Variants in CRTC3 observed in about 807,000 individuals in gnomAD.
CRTC3 encodes the protein CREB regulated transcription coactivator 3, also known as CREB-regulated transcription coactivator 3.
CRTC3 carries 26 observed loss-of-function variants against 74.5 expected under a neutral mutation model. The observed-to-expected ratio is 0.35, with a 90% CI of 0.26 to 0.48. CRTC3 has a LOEUF of 0.48. CRTC3 is among the 20% of genes least tolerant of loss of function. The pLI, the probability that CRTC3 is intolerant of heterozygous loss-of-function variation, is 0.99. For missense variants in CRTC3, 760 were observed against 787.3 expected (o/e 0.97, Z 0.41); for synonymous variants, 377 against 325.8 (o/e 1.16, Z -1.69).
At position 90,567,126 on chromosome 15, in the gene CRTC3, A is replaced by G. The variant is rs541266968; in HGVS notation, c.232-26510A>G. ...CGATTCTGTTGTTAGAGACTAATGC[A>G]GCTGGTGACTTGAAGTGGTTTCAAA... is the stretch of plus-strand genomic sequence containing the variant. On this transcript the variant is annotated intron_variant, in intron 2 of 14. Transcript: ENST00000268184. Among the ~76,000 whole-genome samples the G allele has an allele frequency of 1.4e-4, 21 of 152,274 alleles. 1 individual carries two copies. The highest frequency in any genetic ancestry group is 5.1e-4 in the African/African-American group (21 of 41,556).
intron 2 of CRTC3, among the ~76,000 whole-genome samples, chr15:90,568,822 C>T (rs1469477450): frequency 4.6e-5 from 7 of 152,122 alleles, no homozygotes; most frequent in Admixed American, 3.9e-4. Flanking sequence ...CCTTCAACAT[C>T]GAGGCAAGAC....
rs866743491 is a variant in CRTC3, at chr15:90,636,463, A to T, written c.1267-1983A>T. Among the ~76,000 whole-genome samples the T allele has an allele frequency of 5.2e-3, 785 of 151,340 alleles. 3 individuals are homozygous for T. The highest frequency in any genetic ancestry group is 0.014 in the Middle Eastern group (4 of 294). On this transcript the variant is annotated intron_variant, in intron 11 of 14. Transcript: ENST00000268184. ...TAAAACCATAAAAACCCTAGAAGAA[A>T]ACCTAGGCAATACCATTCAGGACAT...
At chr15:90,625,317 A>G (rs1968794795) in intron 9 of CRTC3, among the ~76,000 whole-genome samples, 2 of 152,240 alleles carry the variant, frequency 1.3e-5, no homozygotes, top group Admixed American at 6.5e-5. Context: ...ATGAATGGCA[A>G]CATCTCTTTG....
At chr15:90,590,189 A>T (rs1218151079) in intron 2 of CRTC3, among the ~76,000 whole-genome samples, 1 of 151,880 alleles carries the variant, frequency 6.6e-6, no homozygotes, top group East Asian at 1.9e-4. Flanking sequence ...GCTACTGGGG[A>T]GGCTGAGGCA....
intron 9 of CRTC3, 91 bp from the exon 10 acceptor site, chr15:90,625,685 C>CTTAT (rs1438629265): frequency 2.5e-6 from 3 of 1,193,520 alleles, no homozygotes; most frequent in Non-Finnish European, 3.7e-6. Context: ...AGCCACTGCT[C>CTTAT]TTATTTGACA....
At chr15:90,617,289 C>T (rs80186262) in intron 7 of CRTC3, among the ~76,000 whole-genome samples, 2 of 152,254 alleles carry the variant, frequency 1.3e-5, no homozygotes, top group South Asian at 2.1e-4. Context: ...CTTCAGTGAT[C>T]GTTATTTATG....
At chr15:90,604,582 C>T in intron 5 of CRTC3, 135 bp downstream of exon 5, 1 of 691,988 alleles carries the variant, frequency 1.4e-6, no homozygotes, top group Non-Finnish European at 2.6e-6. Context: ...CAAAACCCAC[C>T]ATTTTTTGAG....
intron 6 of CRTC3, among the ~76,000 whole-genome samples, chr15:90,608,045 G>A (rs1198523104): frequency 6.6e-6 from 1 of 152,124 alleles, no homozygotes; most frequent in African/African-American, 2.4e-5. Context: ...GGCAAGCCTC[G>A]GGGAGGGAGG....
intron 11 of CRTC3, among the ~76,000 whole-genome samples, chr15:90,631,814 T>C (rs1415013503): frequency 6.6e-6 from 1 of 151,918 alleles, no homozygotes; most frequent in Non-Finnish European, 1.5e-5. Flanking sequence ...ACTCCTGAGC[T>C]CAAGTGATCC....
chr15:90,637,646 C>T (rs775158092), intron 11 of CRTC3, among the ~76,000 whole-genome samples: 17 of 152,176 alleles, frequency 1.1e-4, no homozygotes, highest in Non-Finnish European at 1.5e-4. Context: ...TTTATTATCT[C>T]GAAAGTAGAA....
chr15:90,581,528 C>CT (rs1385877625), intron 2 of CRTC3, among the ~76,000 whole-genome samples: 1 of 152,040 alleles, frequency 6.6e-6, no homozygotes, highest in African/African-American at 2.4e-5. Flanking sequence ...GCCTTCATCT[C>CT]TTTTTTTGGC....
intron 11 of CRTC3, 103 bp from the exon 12 acceptor site, chr15:90,638,343 G>A: frequency 1.0e-6 from 1 of 990,166 alleles, no homozygotes; most frequent in African/African-American, 1.6e-5. Flanking sequence ...ACCGCGGTGA[G>A]GAAAATCTCA....
At chr15:90,641,060 G>A (rs762787466) in intron 13 of CRTC3, 37 bp from the exon 14 acceptor site, 1 of 1,349,820 alleles carries the variant, frequency 7.4e-7, no homozygotes, top group Non-Finnish European at 1.1e-6. Context: ...TGGAAACAGA[G>A]GTGTGGCCTT....
At chr15:90,588,351 A>G (rs535441735) in intron 2 of CRTC3, among the ~76,000 whole-genome samples, 1 of 151,606 alleles carries the variant, frequency 6.6e-6, no homozygotes, top group South Asian at 2.1e-4. Flanking sequence ...TGCTTTAGTA[A>G]CAATCCAAAA....
intron 6 of CRTC3, among the ~76,000 whole-genome samples, chr15:90,612,700 T>C (rs1397709980): frequency 6.6e-6 from 1 of 152,078 alleles, no homozygotes; most frequent in Non-Finnish European, 1.5e-5. Flanking sequence ...CCTTTCTTAA[T>C]ATGAGGGTCT....
chr15:90,588,179 G>A (rs1202701080), intron 2 of CRTC3, among the ~76,000 whole-genome samples: 1 of 151,416 alleles, frequency 6.6e-6, no homozygotes, highest in African/African-American at 2.4e-5. Flanking sequence ...AGAATTGCTC[G>A]AACTTGGGAG....
At chr15:90,603,673 T>C (rs1418750059) in intron 4 of CRTC3, among the ~76,000 whole-genome samples, 1 of 152,174 alleles carries the variant, frequency 6.6e-6, no homozygotes, top group Non-Finnish European at 1.5e-5. Flanking sequence ...AAGTCAGATT[T>C]AGGACACATT....
chr15:90,559,067 T>G (rs1488413533), intron 2 of CRTC3, among the ~76,000 whole-genome samples: 1 of 152,112 alleles, frequency 6.6e-6, no homozygotes, highest in Non-Finnish European at 1.5e-5. Flanking sequence ...TGTATTTTTA[T>G]TTATTTATCT....
intron 2 of CRTC3, among the ~76,000 whole-genome samples, chr15:90,582,433 G>A (rs1422754471): frequency 1.3e-5 from 2 of 152,156 alleles, no homozygotes; most frequent in African/African-American, 2.4e-5. Context: ...TCATTTTATC[G>A]TGGAAATTTG....
Sources: allele counts gnomAD v4.1 joint callset (sites outside exome capture counted in the v4.1 genomes callset), GRCh38; gene constraint gnomAD v4.1.1; transcripts MANE v1.5; gene names NCBI Gene and HGNC (gene_info 2026-07-23, HGNC 2026-07-21).